The following FMO4 variants were observed in gnomAD, a reference collection of about 807,000 sequenced individuals.
FMO4 encodes the protein flavin containing dimethylaniline monoxygenase 4.
In FMO4, 38 loss-of-function variants were observed where a neutral mutation model predicts 43.3. That is an observed-to-expected ratio of 0.88 (90% CI 0.68 to 1.15). The LOEUF (loss-of-function observed/expected upper bound fraction) is 1.15, where lower values mean the gene tolerates loss of function less well. FMO4 is among the 50% of genes most tolerant of loss of function. The pLI, the probability that FMO4 is intolerant of heterozygous loss-of-function variation, is 0.00. For missense variants in FMO4, 631 were observed against 663.3 expected, an observed-to-expected ratio of 0.95 and a Z score of 0.54; for synonymous variants, 224 against 232.2, an observed-to-expected ratio of 0.96 and a Z score of 0.32.
In FMO4 at chr1:171,334,031, T is replaced by C. The variant is rs563468978; in HGVS notation, c.828-380T>C. On this transcript the variant is annotated intron_variant, in intron 7 of 9. Transcript: ENST00000367749. ...TTTTATTTAAAGAGTTCCTTGCTAA[T>C]TTCCTGTCTGCCTGATGTCATTCCC... Among the ~76,000 whole-genome samples, 3 of 152,282 alleles carry C rather than the reference T, an allele frequency of 2.0e-5. No homozygotes were observed. In the East Asian group the frequency reaches 5.8e-4, roughly 29 times the overall value.
chr1:171,324,919 G>A (rs1005453980), intron 5 of FMO4, among the ~76,000 whole-genome samples: 1 of 152,206 alleles, frequency 6.6e-6, no homozygotes, highest in Admixed American at 6.5e-5. Flanking sequence ...ACCAGCCTGG[G>A]CATCATGCTG....
intron 7 of FMO4, chr1:171,333,161 A>C: frequency 3.0e-6 from 1 of 330,994 alleles, no homozygotes; most frequent in South Asian, 4.3e-5. Flanking sequence ...TCCTGCTGTT[A>C]CAAATATCAC....
chr1:171,331,897 T>A, intron 6 of FMO4, 115 bp downstream of exon 6: 1 of 803,354 alleles, frequency 1.2e-6, no homozygotes. Context: ...AGACACACAG[T>A]AAGTGGGAAA....
intron 5 of FMO4, among the ~76,000 whole-genome samples, chr1:171,325,617 G>A (rs1275697939): frequency 6.6e-6 from 1 of 152,000 alleles, no homozygotes; most frequent in African/African-American, 2.4e-5. Flanking sequence ...GTTGGCTTCA[G>A]GCTTGCTGTT....
chr1:171,322,955 TTCC>T (rs745366721), intron 3 of FMO4, 46 bp from the exon 4 acceptor site: 3 of 1,427,510 alleles, frequency 2.1e-6, no homozygotes, highest in African/African-American at 2.8e-5. Flanking sequence ...CTCTGTTCTC[TTCC>T]TCCTATCTCC....
chr1:171,329,641 T>A (rs1259857750), intron 5 of FMO4, among the ~76,000 whole-genome samples: 2 of 152,194 alleles, frequency 1.3e-5, no homozygotes, highest in Admixed American at 1.3e-4. Flanking sequence ...AAGGTCTCGC[T>A]CAGAGTGGTC....
intron 1 of FMO4, among the ~76,000 whole-genome samples, chr1:171,315,121 G>A (rs998397616): frequency 2.6e-5 from 4 of 152,102 alleles, no homozygotes; most frequent in Non-Finnish European, 4.4e-5. Context: ...GTGAAACCCC[G>A]TCTCTACTAA....
At chr1:171,314,458 A>G (rs1481494718) in intron 1 of FMO4, 45 bp downstream of exon 1, 1 of 152,156 alleles carries the variant, frequency 6.6e-6, no homozygotes, top group Non-Finnish European at 1.5e-5. Flanking sequence ...TGATCCAGAA[A>G]CTGCTTTCAC....
At chr1:171,340,426 T>G (rs1472945849) in intron 9 of FMO4, among the ~76,000 whole-genome samples, 1 of 152,150 alleles carries the variant, frequency 6.6e-6, no homozygotes. Flanking sequence ...GAATTTAAAA[T>G]TAAGTAGAAC....
intron 1 of FMO4, among the ~76,000 whole-genome samples, chr1:171,315,827 C>T (rs1013067314): frequency 2.0e-5 from 3 of 152,192 alleles, no homozygotes; most frequent in Non-Finnish European, 4.4e-5. Context: ...CCACAGGCCA[C>T]TCTGTGTCAC....
Position 171,323,180 on chromosome 1 carries a change from C to T in FMO4, c.309C>T (p.Tyr103=), listed in dbSNP as rs771155797. The stretch of plus-strand genomic sequence containing the variant: ...CTGAGCACTTTGACCTCCTGAAATA[C>T]ATTCAGTTTAAGGTAAGATACTTTG... ...EFAEHFDLLK[Y]IQFKTTVCSI... is the part of the protein sequence containing the mutation. Residue 103 remains tyrosine, a synonymous_variant, in exon 4 of 10, where the codon TAC becomes TAT. Coordinates refer to ENST00000367749, the MANE Select transcript of FMO4 (RefSeq NM_002022.3). 2 of 1,611,786 alleles carry T rather than the reference C, an allele frequency of 1.2e-6. No homozygotes were observed. The highest frequency in any genetic ancestry group is 2.2e-5 in the South Asian group (2 of 90,970).
intron 2 of FMO4, 112 bp from the exon 3 acceptor site, chr1:171,319,706 A>G: frequency 1.2e-6 from 1 of 819,158 alleles, no homozygotes; most frequent in Non-Finnish European, 1.9e-6. Context: ...TTCTGCCCCC[A>G]CTCAAAGATG....
intron 3 of FMO4, among the ~76,000 whole-genome samples, chr1:171,321,890 GCTAC>G (rs1197308648): frequency 6.6e-6 from 1 of 152,178 alleles, no homozygotes; most frequent in African/African-American, 2.4e-5. Context: ...GGCCGCATCA[GCTAC>G]CTTATGCAGC....
rs753049557 is a variant in FMO4, at chr1:171,341,514, T to C, written c.1352T>C (p.Phe451Ser). 10 of 1,613,890 alleles carry C rather than the reference T, an allele frequency of 6.2e-6. No individual in the cohort carries two copies. In the Admixed American group the frequency reaches 1.3e-4, roughly 22 times the overall value. ...IGTKPSIPLL[F>S]LKDPRLAWEV... ...ACAAAGCCCAGCATCCCACTTCTGT[T>C]CCTCAAGGATCCCAGACTAGCTTGG... The change falls in exon 10 of 10, where the codon TTC becomes TCC. Residue 451 changes from phenylalanine (F) to serine (S), a missense_variant. Phe to Ser is a radical substitution (Grantham distance 155). Coordinates refer to ENST00000367749, the MANE Select transcript of FMO4 (RefSeq NM_002022.3).
At position 171,319,876 on chromosome 1, in the gene FMO4, CAT is replaced by C; in HGVS notation, c.52_53del (p.Ile18GlnfsTer6). 18 of 1,613,780 alleles carry C rather than the reference CAT, an allele frequency of 1.1e-5. No individual in the cohort carries two copies. The highest frequency in any genetic ancestry group is 1.4e-5 in the Non-Finnish European group (16 of 1,179,714). On this transcript the variant is annotated frameshift_variant, in exon 3 of 10. Transcript: ENST00000367749. LOFTEE classifies it high-confidence loss of function. ...IGAGVSGLSS[I>X]KCCVDEDLEP... is the part of the protein sequence containing the mutation. ...GAGCTGGTGTGAGTGGCCTCTCCTC[CAT>C]CAAATGCTGTGTGGATGAGGACCTG...
chr1:171,327,838 C>T (rs1662729194), intron 5 of FMO4, among the ~76,000 whole-genome samples: 1 of 152,074 alleles, frequency 6.6e-6, no homozygotes, highest in South Asian at 2.1e-4. Flanking sequence ...ATCACTTGAG[C>T]CTGGGAGGCA....
chr1:171,314,203 T>G lies in FMO4; in HGVS notation c.-361T>G, dbSNP rs1662108432. 1 of 152,162 alleles carries G rather than the reference T, an allele frequency of 6.6e-6. No individual in the cohort carries two copies. Among genetic ancestry groups the G allele is most frequent in the Non-Finnish European group, 1.5e-5 (1 of 68,032 alleles). 9.4% of individuals were successfully genotyped at this position (152,162 alleles called of 1,614,324 possible). On this transcript the variant is annotated 5_prime_UTR_variant, in exon 1 of 10. Transcript: ENST00000367749. ...CTCTTACACAACTTTTTTTCCTTAG[T>G]CTGTATACTTTCTGCTGTCACTAGC...
chr1:171,319,705 C>T, intron 2 of FMO4, 113 bp from the exon 3 acceptor site: 2 of 800,326 alleles, frequency 2.5e-6, no homozygotes, highest in East Asian at 5.1e-5. Context: ...ATTCTGCCCC[C>T]ACTCAAAGAT....
At chr1:171,322,167 TGAGAG>T (rs1206326093) in intron 3 of FMO4, among the ~76,000 whole-genome samples, 1 of 152,114 alleles carries the variant, frequency 6.6e-6, no homozygotes, top group African/African-American at 2.4e-5. Flanking sequence ...GGACATAGGT[TGAGAG>T]GATGTTTTGT....
Sources: gnomAD v4.1 joint callset for allele counts (sites outside exome capture counted in the v4.1 genomes callset) on GRCh38, gnomAD v4.1.1 for gene constraint, MANE v1.5 for transcripts, NCBI Gene and HGNC (gene_info 2026-07-23, HGNC 2026-07-21) for gene names.